Variants in SLAMF9 observed in about 807,000 individuals in gnomAD.
SLAMF9 encodes SLAM family member 9.
SLAMF9 carries 25 observed loss-of-function variants against 30.4 expected under a neutral mutation model. The observed-to-expected ratio is 0.82, with a 90% confidence interval of 0.60 to 1.15. The LOEUF (loss-of-function observed/expected upper bound fraction) is 1.15. Ranked by LOEUF, SLAMF9 falls within the 50% of genes most tolerant of loss-of-function variation. The pLI is 0.00. For synonymous variants in SLAMF9, 129 were observed against 127.2 expected, an observed-to-expected ratio of 1.01 and a Z score of -0.09; for missense variants, 344 against 346.1, an observed-to-expected ratio of 0.99 and a Z score of 0.05.
chr1:159,951,820 C>T lies in SLAMF9; in HGVS notation c.711G>A (p.Leu237=), dbSNP rs755634586. 17 of 1,614,124 alleles carry T rather than the reference C, an allele frequency of 1.1e-5. No individual in the cohort carries two copies. The Admixed American group carries it at 2.8e-4, about 27-fold the overall frequency. The change falls in exon 4 of 4, where the codon CTG becomes CTA. Residue 237 remains leucine (L), a synonymous_variant. Coordinates refer to ENST00000368093, the MANE Select transcript of SLAMF9 (RefSeq NM_033438.4). ...SEKPSTAFCL[L]AKGLLIFLLL... ...GCAAGAAGATGAGCAATCCCTTGGC[C>T]AGGAGGCAGAAGGCTGTTGAAGGCT...
the SLAMF9 span, among the ~76,000 whole-genome samples, chr1:159,979,258 A>C: frequency 6.6e-6 from 1 of 152,142 alleles, no homozygotes; most frequent in Non-Finnish European, 1.5e-5. Context: ...GCCCTTCTTA[A>C]TCACCTCTCT....
the SLAMF9 span, chr1:159,973,253 G>A: frequency 1.4e-5 from 12 of 869,872 alleles, no homozygotes; most frequent in African/African-American, 6.7e-5. Context: ...GAGTGGGGGC[G>A]ACACTCAGTA....
chr1:159,974,133 TC>T, the SLAMF9 span: 1 of 1,183,904 alleles, frequency 8.4e-7, no homozygotes, highest in Non-Finnish European at 1.2e-6. Flanking sequence ...CCCTCTGTCC[TC>T]CAGCCTAAGG....
chr1:159,968,630 G>A, the SLAMF9 span, among the ~76,000 whole-genome samples: 2 of 152,172 alleles, frequency 1.3e-5, no homozygotes, highest in African/African-American at 2.4e-5. Flanking sequence ...GTGGCTCGGA[G>A]TTTGAGTCAT....
At chr1:159,979,994 T>A in the SLAMF9 span, among the ~76,000 whole-genome samples, 1 of 152,174 alleles carries the variant, frequency 6.6e-6, no homozygotes, top group Admixed American at 6.5e-5. Flanking sequence ...GAGGTCTGGA[T>A]GGAGCACAGA....
chr1:159,971,149 A>G, the SLAMF9 span, among the ~76,000 whole-genome samples: 1 of 152,112 alleles, frequency 6.6e-6, no homozygotes, highest in Non-Finnish European at 1.5e-5. Context: ...GTCCCTCTGG[A>G]GGTAGAAATG....
In SLAMF9 at chr1:159,951,585, AAAG is replaced by A; in HGVS notation, c.*73_*75del. On this transcript the variant is annotated 3_prime_UTR_variant, in exon 4 of 4. Transcript: ENST00000368093. Reference sequence around the variant, plus strand: ...ACCCCTGAGCACCTCCTTCCCCTGGAAAGAAGAGAGCTGAGGAAGGATTCTCTG... The same window carrying A: ...ACCCCTGAGCACCTCCTTCCCCTGGAAAGAGAGCTGAGGAAGGATTCTCTG... The A allele has an allele frequency of 7.0e-7, 1 of 1,435,170 alleles. No individual in the cohort carries two copies. Among genetic ancestry groups the A allele is most frequent in the Non-Finnish European group, 9.7e-7 (1 of 1,032,010 alleles). 88.9% of individuals were successfully genotyped at this position (1,435,170 alleles called of 1,614,324 possible).
chr1:159,978,623 G>A, the SLAMF9 span: 1 of 152,172 alleles, frequency 6.6e-6, no homozygotes, highest in South Asian at 2.1e-4. Context: ...CTTGACTGAA[G>A]GTACCAAGGT....
At chr1:159,966,671 G>A in the SLAMF9 span, among the ~76,000 whole-genome samples, 14 of 152,140 alleles carry the variant, frequency 9.2e-5, no homozygotes, top group Admixed American at 3.3e-4. Context: ...CAGGTGTGAG[G>A]TGATACCTCA....
chr1:159,963,109 AC>A, the SLAMF9 span, among the ~76,000 whole-genome samples: 1 of 152,146 alleles, frequency 6.6e-6, no homozygotes, highest in African/African-American at 2.4e-5. Context: ...TGGAATACTC[AC>A]AATACCCGCT....
the SLAMF9 span, among the ~76,000 whole-genome samples, chr1:159,968,017 A>G: frequency 6.6e-6 from 1 of 152,024 alleles, no homozygotes; most frequent in African/African-American, 2.4e-5. Flanking sequence ...AGAGTTTTTT[A>G]TATATATAAG....
chr1:159,961,110 A>G, the SLAMF9 span: 1 of 152,132 alleles, frequency 6.6e-6, no homozygotes, highest in Non-Finnish European at 1.5e-5. Context: ...CCAAACTATG[A>G]CATTATTATA....
chr1:159,954,459 C>T (rs1000521208), upstream of SLAMF9, among the ~76,000 whole-genome samples: 1 of 152,164 alleles, frequency 6.6e-6, no homozygotes, highest in Non-Finnish European at 1.5e-5. Flanking sequence ...CGCCCCAGGT[C>T]CCCGCACGTA....
the SLAMF9 span, chr1:159,976,944 G>GAAAA: frequency 9.7e-4 from 5 of 5,180 alleles, no homozygotes; most frequent in South Asian, 0.039. Context: ...AAGAAAGAAA[G>GAAAA]AAAGAAAGAA....
rs763252549 is a variant in SLAMF9 at position 159,953,337 on chromosome 1, G to A, written c.363C>T (p.Thr121=). The A allele has an allele frequency of 1.9e-6, 3 of 1,609,292 alleles. No homozygotes were observed. The South Asian group carries it at 3.3e-5, about 18-fold the overall frequency. Residue 121 remains threonine (T), a synonymous_variant, in exon 2 of 4, where the codon ACC becomes ACT. Coordinates refer to ENST00000368093, the MANE Select transcript of SLAMF9 (RefSeq NM_033438.4). ...QVNLRTSQIS[T]MQQYNICVYR... ...AGACACATATATTGTACTGCTGCAT[G>A]GTAGAGATCTGGGATGTTCTCAGGT...
chr1:159,957,709 T>C (rs1201656744), upstream of SLAMF9, among the ~76,000 whole-genome samples: 1 of 152,152 alleles, frequency 6.6e-6, no homozygotes, highest in Non-Finnish European at 1.5e-5. Flanking sequence ...GTTAATTAGC[T>C]CGATTTAGCC....
intron 1 of SLAMF9, 142 bp from the exon 2 acceptor site, chr1:159,953,795 C>T (rs1412478371): frequency 2.5e-6 from 2 of 789,986 alleles, no homozygotes; most frequent in African/African-American, 1.7e-5. Flanking sequence ...CCAGCTGCTG[C>T]TTCTGACTCT....
the SLAMF9 span, chr1:159,974,145 C>G: frequency 1.9e-6 from 2 of 1,042,420 alleles, no homozygotes; most frequent in Non-Finnish European, 2.9e-6. Flanking sequence ...CAGCCTAAGG[C>G]CTCTGCTGGG....
At chr1:159,979,911 T>G in the SLAMF9 span, among the ~76,000 whole-genome samples, 1 of 152,070 alleles carries the variant, frequency 6.6e-6, no homozygotes, top group Non-Finnish European at 1.5e-5. Flanking sequence ...CAGCCATAAA[T>G]TAATAAACTG....
Sources: allele counts gnomAD v4.1 joint callset (sites outside exome capture counted in the v4.1 genomes callset), GRCh38; gene constraint gnomAD v4.1.1; transcripts MANE v1.5; gene names NCBI Gene and HGNC (gene_info 2026-07-23, HGNC 2026-07-21).